ACTN4: variants seen among roughly 807,000 people sequenced by gnomAD.
The protein encoded by ACTN4 is actinin alpha 4.
In ACTN4, 18 loss-of-function variants were observed where a neutral mutation model predicts 114.2. The ratio of observed to expected loss-of-function variants is 0.16; its 90% confidence interval spans 0.11 to 0.23. The LOEUF (loss-of-function observed/expected upper bound fraction) is 0.23, where lower values mean the gene tolerates loss of function less well. Among genes scored for constraint, ACTN4 ranks in the 10% least tolerant of loss-of-function variants. The pLI, the probability that ACTN4 is intolerant of heterozygous loss-of-function variation, is 1.00. For missense variants in ACTN4, 722 were observed against 1,262.9 expected, an observed-to-expected ratio of 0.57 and a Z score of 6.49; for synonymous variants, 515 against 506.3, an observed-to-expected ratio of 1.02 and a Z score of -0.23.
chr19:38,692,282 G>A (rs965714589), intron 1 of ACTN4, among the ~76,000 whole-genome samples: 3 of 152,260 alleles, frequency 2.0e-5, no homozygotes, highest in Non-Finnish European at 4.4e-5. Flanking sequence ...TGGACAGGCT[G>A]CCCCGTGTGT....
chr19:38,679,888 T>C (rs1967501516), intron 1 of ACTN4, among the ~76,000 whole-genome samples: 1 of 152,196 alleles, frequency 6.6e-6, no homozygotes. Context: ...TTTGGCTTCC[T>C]TGACATCACA....
At chr19:38,680,212 GTTTT>G (rs75920199) in intron 1 of ACTN4, among the ~76,000 whole-genome samples, 13 of 124,330 alleles carry the variant, frequency 1.0e-4, no homozygotes, top group African/African-American at 3.7e-4. Flanking sequence ...AGCTCAGGAA[GTTTT>G]TTTTTTTTTT....
rs780436604 is a variant in ACTN4, at chr19:38,700,734, A to G, written c.277+20A>G. On this transcript the variant is annotated intron_variant, in intron 2 of 20. Coordinates refer to ENST00000252699, the MANE Select transcript of ACTN4 (RefSeq NM_004924.6). ...TATCAGGTGAGACTCCCAGCCACGC[A>G]GTGCGGCCGAGCCCTGGCACAGGTG... 5.0e-6 allele frequency: 8 copies of G among 1,600,706 alleles called. No individual in the cohort carries two copies. The Admixed American group carries it at 1.3e-4, about 27-fold the overall frequency.
chr19:38,712,466 G>A (rs1968688278), intron 8 of ACTN4, among the ~76,000 whole-genome samples: 1 of 152,182 alleles, frequency 6.6e-6, no homozygotes, highest in Non-Finnish European at 1.5e-5. Flanking sequence ...CAGGCAAAGG[G>A]CTTAGCACAG....
At chr19:38,694,598 C>T (rs560210482) in intron 1 of ACTN4, among the ~76,000 whole-genome samples, 17 of 152,128 alleles carry the variant, frequency 1.1e-4, no homozygotes, top group South Asian at 1.0e-3. Flanking sequence ...GCTGTCTCTC[C>T]CTCACTGGCC....
At chr19:38,698,983 G>T (rs1224461430) in intron 1 of ACTN4, among the ~76,000 whole-genome samples, 3 of 152,208 alleles carry the variant, frequency 2.0e-5, no homozygotes, top group African/African-American at 7.2e-5. Context: ...CCTGCACCCG[G>T]GGCGTGGAAT....
chr19:38,705,942 T>A (rs886702401), intron 4 of ACTN4, 102 bp from the exon 5 acceptor site: 2 of 1,149,986 alleles, frequency 1.7e-6, no homozygotes, highest in Admixed American at 3.4e-5. Context: ...CCCCTTGGGT[T>A]TCGTTTGACC....
At chr19:38,707,586 C>T (rs967623919) in intron 5 of ACTN4, among the ~76,000 whole-genome samples, 1 of 152,098 alleles carries the variant, frequency 6.6e-6, no homozygotes, top group Non-Finnish European at 1.5e-5. Flanking sequence ...CTCCAGAGAC[C>T]AGCATGCCAA....
chr19:38,713,980 T>C, intron 8 of ACTN4, among the ~76,000 whole-genome samples: 1 of 152,180 alleles, frequency 6.6e-6, no homozygotes, highest in African/African-American at 2.4e-5. Context: ...CCTATTAACA[T>C]TGCCTCCAAG....
intron 1 of ACTN4, among the ~76,000 whole-genome samples, chr19:38,673,502 TATATGA>T (rs1180685365): frequency 9.2e-6 from 1 of 109,284 alleles, no homozygotes; most frequent in Non-Finnish European, 1.9e-5. Context: ...TATATTTATA[TATATGA>T]ATATATATTT....
In ACTN4 at chr19:38,729,733, T is replaced by C. The variant is rs1159389400; in HGVS notation, c.*301T>C. On this transcript the variant is annotated 3_prime_UTR_variant, in exon 21 of 21. Coordinates refer to ENST00000252699, the MANE Select transcript of ACTN4 (RefSeq NM_004924.6). ...CAGTGGATTCCCACAGCACAACCGGTCCCTTCCATGCCCTGGGATGCCTCA... is the reference window on the plus strand; with the variant it reads ...CAGTGGATTCCCACAGCACAACCGGCCCCTTCCATGCCCTGGGATGCCTCA... 2 of 585,040 alleles carry C rather than the reference T, an allele frequency of 3.4e-6. No individual in the cohort carries two copies. Among genetic ancestry groups the C allele is most frequent in the Non-Finnish European group, 6.4e-6 (2 of 312,368 alleles). 36.2% of individuals were successfully genotyped at this position (585,040 alleles called of 1,614,324 possible).
Position 38,647,801 on chromosome 19 carries a change from G to C in ACTN4, c.56G>C (p.Gly19Ala). The C allele has an allele frequency of 6.4e-7, 1 of 1,555,432 alleles. No homozygotes were observed. The highest frequency in any genetic ancestry group is 8.7e-7 in the Non-Finnish European group (1 of 1,152,242). The part of the protein sequence containing the change: ...QSYQYGPSSA[G>A]NGAGGGGSMG... ...TACCAGTACGGCCCCAGCAGCGCGG[G>C]CAATGGCGCTGGCGGCGGGGGCAGC... Residue 19 changes from glycine (G) to alanine (A), a missense_variant, in exon 1 of 21, where the codon GGC becomes GCC. Gly to Ala is a moderately conservative substitution (Grantham distance 60, BLOSUM62 0). Coordinates refer to ENST00000252699, the MANE Select transcript of ACTN4 (RefSeq NM_004924.6).
At chr19:38,683,692 G>A (rs973009) in intron 1 of ACTN4, among the ~76,000 whole-genome samples, 133,562 of 152,274 alleles carry the variant, frequency 0.88, 58,651 homozygotes, top group East Asian at 0.96. Flanking sequence ...AACCGATTTG[G>A]TATGGGGTCA....
Position 38,717,055 on chromosome 19 carries a change from C to G in ACTN4, c.913-31C>G. On this transcript the variant is annotated intron_variant, in intron 9 of 20. Coordinates refer to ENST00000252699, the MANE Select transcript of ACTN4 (RefSeq NM_004924.6). The surrounding 1 kb of genome is among the most constrained non-coding windows in gnomAD (Gnocchi z 4.0). ...CCGTCAGCACTCTGAGGGTCCCCCACAAAGGCCACGCTGGCTTCTGTGGCC... is the reference window on the plus strand; with the variant it reads ...CCGTCAGCACTCTGAGGGTCCCCCAGAAAGGCCACGCTGGCTTCTGTGGCC... The G allele has an allele frequency of 6.3e-7, 1 of 1,597,646 alleles. No individual in the cohort carries two copies. Among genetic ancestry groups the G allele is most frequent in the African/African-American group, 1.3e-5 (1 of 74,662 alleles).
In ACTN4 at chr19:38,717,046, G is replaced by C. The variant is rs376113967; in HGVS notation, c.913-40G>C. 3.2e-6 allele frequency: 5 copies of C among 1,585,388 alleles called. No homozygotes were observed. The South Asian group carries it at 5.7e-5, about 18-fold the overall frequency. ...GGGGGCAGCCCGTCAGCACTCTGAG[G>C]GTCCCCCACAAAGGCCACGCTGGCT... is the stretch of plus-strand genomic sequence containing the variant. On this transcript the variant is annotated intron_variant, in intron 9 of 20. Transcript: ENST00000252699. The surrounding 1 kb of genome is among the most constrained non-coding windows in gnomAD (Gnocchi z 4.0).
chr19:38,647,694 C>A lies in ACTN4; in HGVS notation c.-52C>A, dbSNP rs909721531. 4 of 1,512,258 alleles carry A rather than the reference C, an allele frequency of 2.6e-6. No individual in the cohort carries two copies. The highest frequency in any genetic ancestry group is 3.5e-6 in the Non-Finnish European group (4 of 1,131,260). 93.7% of individuals were successfully genotyped at this position (1,512,258 alleles called of 1,614,324 possible). A position where few individuals can be genotyped will look rare whatever the true frequency, so the allele number is the denominator to read the frequency against. ...AGCGGCGGCGGCTCGGGCAGAGGGG[C>A]GGGAGCTGAGGCGGGAGCGGACAGG... On this transcript the variant is annotated 5_prime_UTR_variant, in exon 1 of 21. Transcript: ENST00000252699.
intron 1 of ACTN4, among the ~76,000 whole-genome samples, chr19:38,673,679 T>G (rs868829749): frequency 1.9e-5 from 2 of 107,790 alleles, no homozygotes; most frequent in Non-Finnish European, 3.4e-5. Flanking sequence ...TATATTTATA[T>G]ATTTATATAT....
chr19:38,708,222 G>T, intron 6 of ACTN4, 27 bp downstream of exon 6: 7 of 1,611,698 alleles, frequency 4.3e-6, no homozygotes, highest in Non-Finnish European at 5.9e-6. Context: ...CCCCTTGATG[G>T]CCCACAGACG....
In ACTN4 at chr19:38,712,250, G is replaced by A. The variant is rs577177455; in HGVS notation, c.819+1908G>A. Among the ~76,000 whole-genome samples, 95 of 152,198 alleles carry A rather than the reference G, an allele frequency of 6.2e-4. 1 individual carries two copies. Among genetic ancestry groups the A allele is most frequent in the African/African-American group, 2.1e-3 (89 of 41,524 alleles). The stretch of plus-strand genomic sequence containing the variant: ...ACAGCTATTCCTAAAACTAGAAGGG[G>A]GGGGCCGTACCTTCTGTGGACCCCT... On this transcript the variant is annotated intron_variant, in intron 8 of 20. Transcript: ENST00000252699.
Sources: allele counts gnomAD v4.1 joint callset (sites outside exome capture counted in the v4.1 genomes callset), GRCh38; gene constraint gnomAD v4.1.1; non-coding constraint Gnocchi (gnomAD v3.1); transcripts MANE v1.5; gene names NCBI Gene and HGNC (gene_info 2026-07-23, HGNC 2026-07-21).